The following RCAN1 variants were observed in gnomAD, a reference collection of about 807,000 sequenced individuals.
RCAN1 encodes the protein regulator of calcineurin 1.
In RCAN1, 11 loss-of-function variants were observed where a neutral mutation model predicts 22.9. The observed-to-expected ratio is 0.48, with a 90% CI of 0.30 to 0.79. The LOEUF is 0.79. RCAN1 is among the 30% of genes least tolerant of loss of function. The pLI, the probability that RCAN1 is intolerant of heterozygous loss-of-function variation, is 0.06. For synonymous variants in RCAN1, 136 were observed against 142.3 expected, an observed-to-expected ratio of 0.96 and a Z score of 0.32; for missense variants, 291 against 337.8, an observed-to-expected ratio of 0.86 and a Z score of 1.09.
intron 1 of RCAN1, among the ~76,000 whole-genome samples, chr21:34,573,270 G>A (rs1987295839): frequency 6.6e-6 from 1 of 152,134 alleles, no homozygotes; most frequent in Non-Finnish European, 1.5e-5. Flanking sequence ...TTTTGGCATG[G>A]TAATGGTGAA....
intron 1 of RCAN1, among the ~76,000 whole-genome samples, chr21:34,603,059 C>G (rs1050491076): frequency 1.3e-5 from 2 of 152,078 alleles, no homozygotes; most frequent in Non-Finnish European, 2.9e-5. Flanking sequence ...GGGTGTCTCT[C>G]CACTTGAAAG....
Position 34,526,972 on chromosome 21 carries a change from G to A in RCAN1, c.253-3262C>T. 3 of 1,346,284 alleles carry A rather than the reference G, an allele frequency of 2.2e-6. No homozygotes were observed. The South Asian group carries it at 5.4e-5, about 24-fold the overall frequency. 83.4% of individuals were successfully genotyped at this position (1,346,284 alleles called of 1,614,324 possible). On this transcript the variant is annotated intron_variant, in intron 1 of 3. Coordinates refer to ENST00000313806, the MANE Select transcript of RCAN1 (RefSeq NM_004414.7). Reference sequence around the variant, plus strand: ...ATGCTTGCAGGCAGACAGGGACAAAGTGTAAGTTTCTACTGGAAAGAGGTG... The same window carrying A: ...ATGCTTGCAGGCAGACAGGGACAAAATGTAAGTTTCTACTGGAAAGAGGTG...
intron 1 of RCAN1, among the ~76,000 whole-genome samples, chr21:34,578,936 C>G (rs906909304): frequency 2.0e-5 from 3 of 152,144 alleles, no homozygotes; most frequent in Non-Finnish European, 4.4e-5. Flanking sequence ...GTCATCTACC[C>G]TTTGGGCCCC....
chr21:34,577,281 T>C (rs1470762731), intron 1 of RCAN1, among the ~76,000 whole-genome samples: 1 of 152,146 alleles, frequency 6.6e-6, no homozygotes, highest in Non-Finnish European at 1.5e-5. Flanking sequence ...GATAGTGAGA[T>C]GATGACATAC....
chr21:34,612,498 T>C (rs186713239), intron 1 of RCAN1, among the ~76,000 whole-genome samples: 1 of 152,330 alleles, frequency 6.6e-6, no homozygotes. Context: ...AGTGGCTCCC[T>C]ACTAACTCCT....
chr21:34,537,983 C>T (rs2834510), intron 1 of RCAN1, among the ~76,000 whole-genome samples: 30,008 of 152,150 alleles, frequency 0.2, 3,192 homozygotes, highest in South Asian at 0.33. Context: ...ATGGTTATAG[C>T]GACGATCTTG....
intron 1 of RCAN1, among the ~76,000 whole-genome samples, chr21:34,576,531 G>T (rs1987415825): frequency 6.6e-6 from 1 of 152,190 alleles, no homozygotes; most frequent in South Asian, 2.1e-4. Flanking sequence ...GTCTTTGATT[G>T]TCTTGTGTGC....
intron 1 of RCAN1, among the ~76,000 whole-genome samples, chr21:34,531,802 C>A (rs186370743): frequency 6.6e-6 from 1 of 152,140 alleles, no homozygotes; most frequent in Non-Finnish European, 1.5e-5. Context: ...TCTGCTCGTG[C>A]TCTCCCTCTC....
chr21:34,546,148 A>G (rs979974809), intron 1 of RCAN1, among the ~76,000 whole-genome samples: 5 of 152,222 alleles, frequency 3.3e-5, no homozygotes, highest in Non-Finnish European at 7.3e-5. Context: ...GATTTACTGA[A>G]ATAAAATAGA....
At chr21:34,543,154 T>C (rs894505145) in intron 1 of RCAN1, among the ~76,000 whole-genome samples, 7 of 152,346 alleles carry the variant, frequency 4.6e-5, no homozygotes, top group Admixed American at 4.6e-4. Context: ...GGCCTCAGAC[T>C]ATGAGCTGGG....
At chr21:34,537,742 C>G (rs950278037) in intron 1 of RCAN1, among the ~76,000 whole-genome samples, 2 of 152,270 alleles carry the variant, frequency 1.3e-5, no homozygotes, top group African/African-American at 4.8e-5. Context: ...GTTTACCCAG[C>G]TCTGGGGCTC....
At chr21:34,522,260 G>C (rs1317286205) in intron 2 of RCAN1, 1 of 151,860 alleles carries the variant, frequency 6.6e-6, no homozygotes, top group African/African-American at 2.4e-5. Context: ...TACGATCCTA[G>C]TTTGGTTTTA....
Position 34,555,726 on chromosome 21 carries a change from GTATACACTTGACA to G in RCAN1, c.253-32029_253-32017del, listed in dbSNP as rs942354843. Among the ~76,000 whole-genome samples the G allele has an allele frequency of 1.1e-4, 16 of 151,952 alleles. 1 individual carries two copies. The highest frequency in any genetic ancestry group is 8.5e-4 in the Admixed American group (13 of 15,248). On this transcript the variant is annotated intron_variant, in intron 1 of 3. Coordinates refer to ENST00000313806, the MANE Select transcript of RCAN1 (RefSeq NM_004414.7). ...TCATTAGAATATCTTCCATGCTTTT[GTATACACTTGACA>G]ACCTCCATAATAAAAAGGTATTTTT...
rs1337275763 is a variant in RCAN1, at chr21:34,518,302, G to T, written c.587-46C>A. 7.5e-6 allele frequency: 12 copies of T among 1,594,668 alleles called. No individual in the cohort carries two copies. The highest frequency in any genetic ancestry group is 6.7e-5 in the African/African-American group (5 of 74,512). Reference sequence around the variant, plus strand: ...CAGGGTCACTCAGACAAGTCCTTGGGAGTCAAAAGGCAAACATAAAAGAGC... The same window carrying T: ...CAGGGTCACTCAGACAAGTCCTTGGTAGTCAAAAGGCAAACATAAAAGAGC... On this transcript the variant is annotated intron_variant, in intron 3 of 3. Coordinates refer to ENST00000313806, the MANE Select transcript of RCAN1 (RefSeq NM_004414.7). This position sits in a 1 kb window ranked among gnomAD's most constrained non-coding sequence, Gnocchi z 4.2.
At chr21:34,600,929 C>T (rs1557268) in intron 1 of RCAN1, among the ~76,000 whole-genome samples, 58,082 of 152,132 alleles carry the variant, frequency 0.38, 11,401 homozygotes, top group Admixed American at 0.45. Flanking sequence ...TCATTTCATA[C>T]ACACATGCAC....
At chr21:34,556,639 T>C (rs1390782694) in intron 1 of RCAN1, among the ~76,000 whole-genome samples, 2 of 152,180 alleles carry the variant, frequency 1.3e-5, no homozygotes, top group African/African-American at 4.8e-5. Flanking sequence ...AGAACTCTCT[T>C]GGAAATAGTT....
chr21:34,613,980 T>C (rs966235572), intron 1 of RCAN1: 9 of 740,836 alleles, frequency 1.2e-5, no homozygotes, highest in Non-Finnish European at 1.8e-5. Flanking sequence ...TTCTGCACAA[T>C]AACTGCAGAT....
chr21:34,536,675 C>A (rs986776784), intron 1 of RCAN1, among the ~76,000 whole-genome samples: 1 of 152,012 alleles, frequency 6.6e-6, no homozygotes, highest in Non-Finnish European at 1.5e-5. Context: ...CACGCCGGCA[C>A]CTGGTGAATA....
intron 1 of RCAN1, among the ~76,000 whole-genome samples, chr21:34,601,882 T>C (rs1375375658): frequency 6.7e-6 from 1 of 149,520 alleles, no homozygotes; most frequent in Non-Finnish European, 1.5e-5. Context: ...ATAACAGTGA[T>C]CACATGTGTA....
Sources: allele counts gnomAD v4.1 joint callset (sites outside exome capture counted in the v4.1 genomes callset), GRCh38; gene constraint gnomAD v4.1.1; non-coding constraint Gnocchi (gnomAD v3.1); transcripts MANE v1.5; gene names NCBI Gene and HGNC (gene_info 2026-07-23, HGNC 2026-07-21).